NIBAN3: variants seen among roughly 807,000 people sequenced by gnomAD.
NIBAN3 encodes the protein protein Niban 3.
A neutral mutation model predicts 76.4 loss-of-function variants in NIBAN3; 66 were observed. That is an observed-to-expected ratio of 0.86 (90% confidence interval 0.71 to 1.06). The LOEUF is 1.06. Ranked by LOEUF, NIBAN3 falls within the 50% of genes least tolerant of loss-of-function variation. NIBAN3 has a pLI of 0.00. For synonymous variants in NIBAN3, 360 were observed against 355.2 expected (o/e 1.01, Z -0.15); for missense variants, 808 against 810.7 (o/e 1.00, Z 0.04).
intron 4 of NIBAN3, among the ~76,000 whole-genome samples, chr19:17,536,353 G>GC (rs141807436): frequency 0.038 from 5,725 of 152,138 alleles, 308 homozygotes; most frequent in African/African-American, 0.13. Flanking sequence ...ACCACACCCT[G>GC]TAAATTTTGT....
chr19:17,539,262 C>T lies in NIBAN3; in HGVS notation c.708C>T (p.Ala236=), dbSNP rs547543558. The T allele has an allele frequency of 5.4e-5, 87 of 1,599,406 alleles. No homozygotes were observed. Among genetic ancestry groups the T allele is most frequent in the Admixed American group, 1.0e-4 (6 of 58,190 alleles). The change falls in exon 6 of 15, where the codon GCC becomes GCT. Residue 236 remains alanine, a synonymous_variant. Transcript: ENST00000599164. ...ACGACGTGACCCTAGGCTCAGACGC[C>T]GAGGTTAGTGCCCCGCGAGGCCGCA... is the stretch of plus-strand genomic sequence containing the variant. ...GDDDVTLGSD[A]EVLTAVLMRE...
At chr19:17,528,174 C>G (rs1568440113) in intron 1 of NIBAN3, among the ~76,000 whole-genome samples, 1 of 152,076 alleles carries the variant, frequency 6.6e-6, no homozygotes. Flanking sequence ...TCACTGCAAC[C>G]TCCGCCTCCA....
chr19:17,531,326 AACACACACACACAC>A lies in NIBAN3; in HGVS notation c.186+475_186+488del, dbSNP rs35489460. 7.6e-3 allele frequency among the ~76,000 whole-genome samples: 987 copies of A among 129,096 alleles called. 16 individuals carry two copies. Among genetic ancestry groups the A allele is most frequent in the African/African-American group, 0.025 (871 of 35,550 alleles). 84.7% of individuals were successfully genotyped at this position (129,096 alleles called of 152,430 possible). The stretch of plus-strand genomic sequence containing the variant: ...TAGGCAACAGAGCTAGACTCTGTCA[AACACACACACACAC>A]ACACACACACACACACACACACACA... On this transcript the variant is annotated intron_variant, in intron 2 of 14. Transcript: ENST00000599164.
chr19:17,529,605 A>G (rs748379792), intron 1 of NIBAN3, among the ~76,000 whole-genome samples: 2 of 152,358 alleles, frequency 1.3e-5, no homozygotes, highest in East Asian at 3.9e-4. Flanking sequence ...ACTCACAGAA[A>G]GTTCACTTGT....
intron 13 of NIBAN3, 76 bp from the exon 14 acceptor site, chr19:17,549,368 C>G: frequency 9.9e-7 from 1 of 1,014,832 alleles, no homozygotes; most frequent in Non-Finnish European, 1.5e-6. Flanking sequence ...CATTTGTAGT[C>G]TCTCTGGGAA....
intron 1 of NIBAN3, among the ~76,000 whole-genome samples, chr19:17,528,429 C>G (rs2075649295): frequency 6.6e-6 from 1 of 152,062 alleles, no homozygotes; most frequent in African/African-American, 2.4e-5. Context: ...AATCTAGTGA[C>G]CTGATTTAGG....
At chr19:17,544,895 A>C (rs1003491264) in intron 12 of NIBAN3, among the ~76,000 whole-genome samples, 1 of 152,186 alleles carries the variant, frequency 6.6e-6, no homozygotes, top group Non-Finnish European at 1.5e-5. Flanking sequence ...AACACTAGAG[A>C]ATATGGGCCA....
intron 9 of NIBAN3, among the ~76,000 whole-genome samples, chr19:17,540,826 C>A (rs145020542): frequency 6.6e-6 from 1 of 152,160 alleles, no homozygotes; most frequent in African/African-American, 2.4e-5. Context: ...CTCGACCTCC[C>A]GGGCTTAATC....
upstream of NIBAN3, chr19:17,523,338 C>A: frequency 9.2e-7 from 1 of 1,084,114 alleles, no homozygotes; most frequent in Non-Finnish European, 1.3e-6. Flanking sequence ...TGCGCAGAGG[C>A]GGCTGTGCAG....
chr19:17,539,013 G>A (rs549123583), intron 5 of NIBAN3, 137 bp from the exon 6 acceptor site: 2 of 672,850 alleles, frequency 3.0e-6, no homozygotes, highest in East Asian at 5.5e-5. Context: ...CCTGTGGAGG[G>A]CATTGCCTAT....
At chr19:17,532,967 A>G (rs2075757081) in intron 3 of NIBAN3, among the ~76,000 whole-genome samples, 1 of 151,598 alleles carries the variant, frequency 6.6e-6, no homozygotes, top group African/African-American at 2.4e-5. Flanking sequence ...GGAGGGAGAG[A>G]GGAGGAAAAA....
At chr19:17,537,930 G>C (rs1344489451) in intron 5 of NIBAN3, among the ~76,000 whole-genome samples, 1 of 147,342 alleles carries the variant, frequency 6.8e-6, no homozygotes, top group African/African-American at 2.5e-5. Flanking sequence ...TGGGCAACAA[G>C]AGCAAAACTC....
chr19:17,540,045 C>G (rs1705755663), intron 8 of NIBAN3: 1 of 321,280 alleles, frequency 3.1e-6, no homozygotes, highest in Admixed American at 5.4e-5. Flanking sequence ...ACAAAAAGGG[C>G]GGGGCCTCAG....
intron 9 of NIBAN3, 131 bp downstream of exon 9, chr19:17,540,713 G>A (rs2075933639): frequency 3.2e-6 from 2 of 620,602 alleles, no homozygotes; most frequent in Admixed American, 4.2e-5. Flanking sequence ...ACCATGCTAT[G>A]GTCAGTGGAG....
At chr19:17,539,473 G>C (rs907356631) in intron 7 of NIBAN3, 22 bp downstream of exon 7, 2 of 1,459,780 alleles carry the variant, frequency 1.4e-6, no homozygotes, top group African/African-American at 1.4e-5. Flanking sequence ...GTCCGGATCC[G>C]GGATAGGGGG....
chr19:17,542,043 G>C lies in NIBAN3; in HGVS notation c.1171-93G>C. Reference sequence around the variant, plus strand: ...GCTGAGACGGGATGTATTTTCATTTGTGTTTCTCCTTTGGTGAATTGGTAA... The same window carrying C: ...GCTGAGACGGGATGTATTTTCATTTCTGTTTCTCCTTTGGTGAATTGGTAA... On this transcript the variant is annotated intron_variant, in intron 9 of 14. Coordinates refer to ENST00000599164, the MANE Select transcript of NIBAN3 (RefSeq NM_001321827.2). This position sits in a 1 kb window ranked among gnomAD's most constrained non-coding sequence, Gnocchi z 4.8. 1 of 1,452,314 alleles carries C rather than the reference G, an allele frequency of 6.9e-7. No individual in the cohort carries two copies. The highest frequency in any genetic ancestry group is 9.6e-7 in the Non-Finnish European group (1 of 1,038,908). The allele number at this position is 1,452,314 out of a possible 1,614,324, so 90.0% of individuals were successfully genotyped here.
intron 10 of NIBAN3, 82 bp from the exon 11 acceptor site, chr19:17,543,235 G>T: frequency 1.1e-6 from 1 of 889,838 alleles, no homozygotes; most frequent in Non-Finnish European, 1.8e-6. Context: ...GTTGGATGCT[G>T]AGAAGGGGTC....
intron 14 of NIBAN3, among the ~76,000 whole-genome samples, chr19:17,551,141 G>C (rs1205160240): frequency 6.6e-6 from 1 of 151,860 alleles, no homozygotes; most frequent in East Asian, 1.9e-4. Flanking sequence ...CTGTCACCAG[G>C]CTGGAGTGCA....
intron 4 of NIBAN3, among the ~76,000 whole-genome samples, chr19:17,536,376 AC>A: frequency 6.6e-6 from 1 of 152,092 alleles, no homozygotes; most frequent in African/African-American, 2.4e-5. Flanking sequence ...TTTAGTAGAG[AC>A]GGGGTTTCAC....
Sources: gnomAD v4.1 joint callset for allele counts (sites outside exome capture counted in the v4.1 genomes callset) on GRCh38, gnomAD v4.1.1 for gene constraint, Gnocchi (gnomAD v3.1) non-coding constraint, MANE v1.5 for transcripts, NCBI Gene and HGNC (gene_info 2026-07-23, HGNC 2026-07-21) for gene names.